Variants in CNTN5 observed in about 807,000 individuals in gnomAD.
CNTN5 encodes the protein contactin-5.
Under a neutral mutation model 129.1 loss-of-function variants are expected in CNTN5, and 77 were observed. The ratio of observed to expected loss-of-function variants is 0.60; its 90% CI spans 0.50 to 0.72. CNTN5 has a LOEUF of 0.72. Ranked by LOEUF, CNTN5 falls within the 30% of genes least tolerant of loss-of-function variation. The pLI is 0.00. For synonymous variants in CNTN5, 509 were observed against 465.6 expected, an observed-to-expected ratio of 1.09 and a Z score of -1.20; for missense variants, 1,478 against 1,328.8, an observed-to-expected ratio of 1.11 and a Z score of -1.75.
intron 1 of CNTN5, among the ~76,000 whole-genome samples, chr11:99,267,320 A>G (rs1269797530): frequency 2.0e-5 from 3 of 152,056 alleles, no homozygotes; most frequent in Non-Finnish European, 4.4e-5. Flanking sequence ...ACAAAGGTAA[A>G]TGGTGGAAAT....
chr11:100,314,080 T>G (rs1951528773), intron 21 of CNTN5, among the ~76,000 whole-genome samples: 1 of 152,132 alleles, frequency 6.6e-6, no homozygotes, highest in Non-Finnish European at 1.5e-5. Flanking sequence ...AAAGAATGGT[T>G]GGTGGAAATA....
intron 9 of CNTN5, among the ~76,000 whole-genome samples, chr11:100,013,888 T>C (rs546543629): frequency 6.6e-6 from 1 of 152,342 alleles, no homozygotes; most frequent in South Asian, 2.1e-4. Flanking sequence ...TTTAAATCTA[T>C]CATAGTACAT....
Position 100,332,206 on chromosome 11 carries a change from C to A in CNTN5, c.2731-8257C>A, listed in dbSNP as rs190504082. 3.8e-3 allele frequency among the ~76,000 whole-genome samples: 583 copies of A among 152,138 alleles called. 6 individuals are homozygous for A. The highest frequency in any genetic ancestry group is 0.013 in the African/African-American group (537 of 41,542). On this transcript the variant is annotated intron_variant, in intron 21 of 24. Transcript: ENST00000524871. ...AGACCATTCAAGGCTATGATGAACA[C>A]CTTTACATGCATAAACTAGAAAATC...
chr11:99,513,225 G>A (rs1426071124), intron 2 of CNTN5, among the ~76,000 whole-genome samples: 1 of 152,164 alleles, frequency 6.6e-6, no homozygotes, highest in Non-Finnish European at 1.5e-5. Flanking sequence ...TTCTTTGAAG[G>A]CTGACAGAGT....
chr11:99,909,628 A>G (rs1394954049), intron 6 of CNTN5, among the ~76,000 whole-genome samples: 1 of 152,178 alleles, frequency 6.6e-6, no homozygotes, highest in African/African-American at 2.4e-5. Flanking sequence ...AATACTATGC[A>G]GCCATAAAAA....
At chr11:99,061,751 G>A (rs1337650868) in intron 1 of CNTN5, among the ~76,000 whole-genome samples, 1 of 152,148 alleles carries the variant, frequency 6.6e-6, no homozygotes, top group East Asian at 1.9e-4. Flanking sequence ...CAGCACTTTG[G>A]GAGACTGAGG....
intron 18 of CNTN5, among the ~76,000 whole-genome samples, chr11:100,283,398 A>C (rs2138826576): frequency 6.6e-6 from 1 of 152,202 alleles, no homozygotes; most frequent in South Asian, 2.1e-4. Context: ...TGGACTTAGG[A>C]AAGGGGTGGC....
chr11:99,341,741 T>G (rs1866523518), intron 2 of CNTN5, among the ~76,000 whole-genome samples: 1 of 152,028 alleles, frequency 6.6e-6, no homozygotes, highest in Non-Finnish European at 1.5e-5. Context: ...TACAAGAACG[T>G]TTTTTACTTG....
chr11:99,834,193 AC>A, intron 4 of CNTN5, among the ~76,000 whole-genome samples: 1 of 152,168 alleles, frequency 6.6e-6, no homozygotes, highest in Non-Finnish European at 1.5e-5. Flanking sequence ...AATACCTACT[AC>A]CTAACACTGG....
At chr11:100,052,103 G>T (rs1453336100) in intron 9 of CNTN5, among the ~76,000 whole-genome samples, 1 of 151,846 alleles carries the variant, frequency 6.6e-6, no homozygotes. Flanking sequence ...TATATAATTA[G>T]TCACATGAAT....
rs138450689 is a variant in CNTN5, at chr11:99,676,485, C to A, written c.55+120216C>A. ...ACATTTCTTTCTCATAGGCCCCTCA[C>A]CAGGCCTCTGCAGTCACTGCATGGT... On this transcript the variant is annotated intron_variant, in intron 3 of 24. Coordinates refer to ENST00000524871, the MANE Select transcript of CNTN5 (RefSeq NM_014361.4). 5.3e-3 allele frequency among the ~76,000 whole-genome samples: 814 copies of A among 152,300 alleles called. 7 individuals carry two copies. Among genetic ancestry groups the A allele is most frequent in the South Asian group, 0.016 (79 of 4,828 alleles).
chr11:100,312,693 TA>T (rs1426507353), intron 21 of CNTN5, among the ~76,000 whole-genome samples: 1 of 152,076 alleles, frequency 6.6e-6, no homozygotes, highest in Non-Finnish European at 1.5e-5. Flanking sequence ...TATGTACTTA[TA>T]ATATCAGTCC....
intron 8 of CNTN5, among the ~76,000 whole-genome samples, chr11:99,958,518 T>A (rs77882261): frequency 6.6e-6 from 1 of 152,314 alleles, no homozygotes; most frequent in African/African-American, 2.4e-5. Flanking sequence ...GGTAATCAGA[T>A]ACATATTCCT....
At chr11:99,518,770 C>T (rs1947157717) in intron 2 of CNTN5, among the ~76,000 whole-genome samples, 1 of 151,786 alleles carries the variant, frequency 6.6e-6, no homozygotes, top group Non-Finnish European at 1.5e-5. Context: ...ATTTAATTTC[C>T]CAAGTAATTA....
chr11:99,701,184 A>G (rs1417575289), intron 3 of CNTN5, among the ~76,000 whole-genome samples: 1 of 151,350 alleles, frequency 6.6e-6, no homozygotes, highest in Non-Finnish European at 1.5e-5. Context: ...TTCAGTAGAT[A>G]CAAATAGAAA....
At chr11:99,273,700 A>G (rs1863287834) in intron 1 of CNTN5, among the ~76,000 whole-genome samples, 1 of 151,728 alleles carries the variant, frequency 6.6e-6, no homozygotes. Flanking sequence ...TTTGTATATT[A>G]TGTCATTCGT....
intron 20 of CNTN5, among the ~76,000 whole-genome samples, chr11:100,306,028 C>T (rs1028127706): frequency 1.3e-5 from 2 of 150,736 alleles, no homozygotes; most frequent in Non-Finnish European, 3.0e-5. Flanking sequence ...ACATTCAAAG[C>T]TGTCCTGGGC....
intron 13 of CNTN5, among the ~76,000 whole-genome samples, chr11:100,080,099 T>A (rs1944303007): frequency 6.6e-6 from 1 of 152,300 alleles, no homozygotes; most frequent in African/African-American, 2.4e-5. Context: ...TAAACTGTTG[T>A]TGAACCTCAT....
In CNTN5 at chr11:100,338,053, C is replaced by A. The variant is rs955353634; in HGVS notation, c.2731-2410C>A. On this transcript the variant is annotated intron_variant, in intron 21 of 24. Coordinates refer to ENST00000524871, the MANE Select transcript of CNTN5 (RefSeq NM_014361.4). ...CAATAACACGCTCCATATAAAATAT[C>A]AGAAGAAATGAAGAGGCTAAAGTAA... 3.3e-5 allele frequency among the ~76,000 whole-genome samples: 5 copies of A among 152,140 alleles called. No individual in the cohort carries two copies. In the South Asian group the frequency reaches 1.0e-3, roughly 31 times the overall value.
Sources: gnomAD v4.1 joint callset for allele counts (sites outside exome capture counted in the v4.1 genomes callset) on GRCh38, gnomAD v4.1.1 for gene constraint, MANE v1.5 for transcripts, NCBI Gene and HGNC (gene_info 2026-07-23, HGNC 2026-07-21) for gene names.